The following PXDN variants were observed in gnomAD, a reference collection of about 807,000 sequenced individuals.
The protein encoded by PXDN is peroxidasin, also known as peroxidasin homolog.
In PXDN, 77 loss-of-function variants were observed where a neutral mutation model predicts 140.3. The observed-to-expected ratio is 0.55, with a 90% CI of 0.46 to 0.66. The LOEUF is 0.66. Among genes scored for constraint, PXDN ranks in the 30% least tolerant of loss-of-function variants. The pLI is 0.00. For missense variants in PXDN, 1,838 were observed against 2,039.5 expected, an observed-to-expected ratio of 0.90 and a Z score of 1.90; for synonymous variants, 911 against 857.4, an observed-to-expected ratio of 1.06 and a Z score of -1.09.
At chr2:1,671,272 A>G (rs566404660) in intron 9 of PXDN, among the ~76,000 whole-genome samples, 1 of 152,358 alleles carries the variant, frequency 6.6e-6, no homozygotes, top group East Asian at 1.9e-4. Flanking sequence ...ATGAAAAATA[A>G]TTATTTCCAA....
At chr2:1,658,056 CTCTCTCTCTCTCT>C (rs1683198266) in intron 14 of PXDN, among the ~76,000 whole-genome samples, 2 of 131,186 alleles carry the variant, frequency 1.5e-5, no homozygotes, top group South Asian at 2.7e-4. Context: ...CTCTCTCTCT[CTCTCTCTCTCTCT>C]CTCTCTCTCT....
intron 1 of PXDN, among the ~76,000 whole-genome samples, chr2:1,721,772 C>G (rs1685058887): frequency 6.6e-6 from 1 of 152,046 alleles, no homozygotes; most frequent in South Asian, 2.1e-4. Context: ...GCTTGCAGTG[C>G]CACTGCACTC....
At chr2:1,739,187 C>T (rs1685484036) in intron 1 of PXDN, among the ~76,000 whole-genome samples, 1 of 152,162 alleles carries the variant, frequency 6.6e-6, no homozygotes, top group Non-Finnish European at 1.5e-5. Flanking sequence ...TCCGTTAAGA[C>T]AATTCCCCAA....
In PXDN at chr2:1,649,136, T is replaced by G; in HGVS notation, c.2644A>C (p.Ser882Arg). ...GARCMFFVRS[S>R]PVCGSGMTSL... The stretch of plus-strand genomic sequence containing the variant: ...GTCATGCCGCTGCCGCACACAGGGC[T>G]GGAGCGCACGAAGAACATGCAGCGG... Residue 882 changes from serine to arginine, a missense_variant, in exon 17 of 23, where the codon AGC becomes CGC. Ser to Arg is a moderately radical substitution (Grantham distance 110). Around this residue, in one of 5 missense-constraint regions of PXDN, gnomAD observed 850 missense variants for 894.1 expected, o/e 0.95. Transcript: ENST00000252804. This position sits in a 1 kb window ranked among gnomAD's most constrained non-coding sequence, Gnocchi z 7.1. The G allele has an allele frequency of 6.2e-7, 1 of 1,611,778 alleles. No homozygotes were observed. Among genetic ancestry groups the G allele is most frequent in the Non-Finnish European group, 8.5e-7 (1 of 1,179,598 alleles).
chr2:1,634,168 GC>G lies in PXDN; in HGVS notation c.*35del. On this transcript the variant is annotated 3_prime_UTR_variant, in exon 23 of 23. Transcript: ENST00000252804. ...CCATCGGCCACCCGATCTCACGATG[GC>G]ACAGCAGACAAACTCTGAGGAGCCT... The G allele has an allele frequency of 6.4e-7, 1 of 1,552,474 alleles. No individual in the cohort carries two copies.
chr2:1,701,551 T>A (rs1416567299), intron 1 of PXDN, among the ~76,000 whole-genome samples: 3 of 151,922 alleles, frequency 2.0e-5, no homozygotes, highest in African/African-American at 7.3e-5. Flanking sequence ...GGATGCCCCT[T>A]ACTTCCCCTG....
chr2:1,661,119 G>A (rs1683294692), intron 13 of PXDN, 82 bp from the exon 14 acceptor site: 39 of 1,523,028 alleles, frequency 2.6e-5, no homozygotes, highest in South Asian at 7.2e-5. Context: ...GGGGAGGGGA[G>A]CCATTTGTTA....
chr2:1,639,405 G>T lies in PXDN; in HGVS notation c.3970C>A (p.Gln1324Lys). Reference sequence around the variant, plus strand: ...AAATGATAGGAAAAGGCATTGAACTGCCCCCTGGTCCTACAGTCTAAAATG... The same window carrying T: ...AAATGATAGGAAAAGGCATTGAACTTCCCCCTGGTCCTACAGTCTAAAATG... ...DCCEDCRTRG[Q>K]FNAFSYHFRG... The change falls in exon 20 of 23, where the codon CAG (glutamine) becomes AAG (lysine). Residue 1324 changes from glutamine to lysine, a missense_variant. Physicochemically the swap from Gln to Lys is moderately conservative, Grantham distance 53 (BLOSUM62 1). This residue lies in a region of PXDN where 850 missense variants were observed against 894.1 expected (regional missense o/e 0.95). Transcript: ENST00000252804. The surrounding 1 kb of genome is among the most constrained non-coding windows in gnomAD (Gnocchi z 5.0). 6.2e-7 allele frequency: 1 copy of T among 1,613,992 alleles called. No individual in the cohort carries two copies.
intron 12 of PXDN, 147 bp downstream of exon 12, chr2:1,663,458 C>T (rs748128966): frequency 4.6e-6 from 5 of 1,094,046 alleles, no homozygotes; most frequent in Non-Finnish European, 5.2e-6. Context: ...ACCCTGGGGG[C>T]ACAAGCACAA....
At chr2:1,676,527 G>A (rs573358452) in intron 8 of PXDN, 19 of 230,814 alleles carry the variant, frequency 8.2e-5, no homozygotes, top group South Asian at 1.4e-4. Flanking sequence ...GGCCCCTCCC[G>A]CACCCACTCA....
At chr2:1,706,837 G>A (rs1191043253) in intron 1 of PXDN, among the ~76,000 whole-genome samples, 1 of 143,662 alleles carries the variant, frequency 7.0e-6, no homozygotes. Context: ...TACAATCCGA[G>A]AGCACGCTTC....
At chr2:1,683,174 G>A (rs935448731) in intron 6 of PXDN, among the ~76,000 whole-genome samples, 2 of 148,722 alleles carry the variant, frequency 1.3e-5, no homozygotes, top group Non-Finnish European at 3.0e-5. Flanking sequence ...TTGAGCTTAG[G>A]AAATCAAGAC....
intron 1 of PXDN, among the ~76,000 whole-genome samples, chr2:1,738,410 C>T (rs540327231): frequency 2.0e-5 from 3 of 152,196 alleles, no homozygotes; most frequent in South Asian, 4.1e-4. Context: ...TGATGTGGGC[C>T]GGGCAGGACT....
In PXDN at chr2:1,649,296, G is replaced by A. The variant is rs749478837; in HGVS notation, c.2484C>T (p.Asp828=). Residue 828 remains aspartate, a synonymous_variant, in exon 17 of 23, where the codon GAC becomes GAT. Transcript: ENST00000252804. The surrounding 1 kb of genome is among the most constrained non-coding windows in gnomAD (Gnocchi z 7.1). ...TCAGGGCCACCACCGTGGAGTCGAG[G>A]TCGTGGTCCAGGAACTGGCCCCACT... is the stretch of plus-strand genomic sequence containing the variant. ...LMQWGQFLDH[D]LDSTVVALSQ... is the part of the protein sequence containing the mutation. The A allele has an allele frequency of 2.5e-6, 4 of 1,613,670 alleles. No homozygotes were observed. Among genetic ancestry groups the A allele is most frequent in the Non-Finnish European group, 3.4e-6 (4 of 1,179,860 alleles).
intron 7 of PXDN, among the ~76,000 whole-genome samples, chr2:1,679,821 G>GGTAT (rs1558505373): frequency 1.5e-5 from 2 of 132,826 alleles, no homozygotes; most frequent in Admixed American, 7.8e-5. Context: ...GTGTGTAAAT[G>GGTAT]GTGTGTGTGT....
chr2:1,739,335 G>T (rs927733445), intron 1 of PXDN, among the ~76,000 whole-genome samples: 1 of 152,146 alleles, frequency 6.6e-6, no homozygotes, highest in Non-Finnish European at 1.5e-5. Flanking sequence ...AGTCACCCAC[G>T]CTGGGGAGAA....
chr2:1,743,929 G>A lies in PXDN; in HGVS notation c.200+327C>T, dbSNP rs548772606. Among the ~76,000 whole-genome samples the A allele has an allele frequency of 1.6e-4, 24 of 151,514 alleles. 1 individual carries two copies. The highest frequency in any genetic ancestry group is 5.6e-4 in the African/African-American group (23 of 41,350). On this transcript the variant is annotated intron_variant, in intron 1 of 22. Transcript: ENST00000252804. ...TGAGAGGGGGCGGCGGGAGGCGAGC[G>A]GGGGGAGCCCCGGAGGCTCCAACAA... is the stretch of plus-strand genomic sequence containing the variant.
intron 9 of PXDN, among the ~76,000 whole-genome samples, chr2:1,670,460 T>C (rs1022624165): frequency 9.8e-5 from 15 of 152,290 alleles, no homozygotes; most frequent in African/African-American, 3.1e-4. Context: ...GGGAAGGGAA[T>C]AGGAGTTGAG....
At chr2:1,654,124 A>C in intron 15 of PXDN, 2 of 489,186 alleles carry the variant, frequency 4.1e-6, no homozygotes, top group Non-Finnish European at 7.2e-6. Flanking sequence ...CAAATCATTT[A>C]GTCATAAGCC....
Sources: allele counts gnomAD v4.1 joint callset (sites outside exome capture counted in the v4.1 genomes callset), GRCh38; gene constraint gnomAD v4.1.1; regional missense constraint gnomAD v4.1.1; non-coding constraint Gnocchi (gnomAD v3.1); transcripts MANE v1.5; gene names NCBI Gene and HGNC (gene_info 2026-07-23, HGNC 2026-07-21).